IL23R: variants seen among roughly 807,000 people sequenced by gnomAD.
IL23R encodes interleukin 23 receptor, also known as interleukin-23 receptor.
Under a neutral mutation model 56.9 loss-of-function variants are expected in IL23R, and 34 were observed. That is an observed-to-expected ratio of 0.60 (90% CI 0.45 to 0.80). IL23R has a LOEUF of 0.80. IL23R is among the 30% of genes least tolerant of loss of function. The pLI is 0.00. For synonymous variants in IL23R, 230 were observed against 249.2 expected, an observed-to-expected ratio of 0.92 and a Z score of 0.73; for missense variants, 635 against 730.0, an observed-to-expected ratio of 0.87 and a Z score of 1.50.
intron 2 of IL23R, among the ~76,000 whole-genome samples, chr1:67,168,864 A>G (rs768734802): frequency 2.0e-5 from 3 of 152,182 alleles, no homozygotes; most frequent in African/African-American, 4.8e-5. Context: ...GAACATCAAT[A>G]AAAGCATAAC....
chr1:67,193,901 A>G (rs548589729), intron 4 of IL23R, among the ~76,000 whole-genome samples: 174 of 152,320 alleles, frequency 1.1e-3, no homozygotes, highest in African/African-American at 3.8e-3. Context: ...TTAAATGTCA[A>G]TCACAAGCCC....
chr1:67,150,051 A>G (rs772207012), intron 1 of IL23R, among the ~76,000 whole-genome samples: 32 of 152,116 alleles, frequency 2.1e-4, no homozygotes, highest in Non-Finnish European at 3.5e-4. Context: ...TCTGGGCTCA[A>G]TCCTAGAACT....
Position 67,219,636 on chromosome 1 carries a change from C to T in IL23R, c.861C>T (p.Asn287=), listed in dbSNP as rs773754315. 1 of 1,613,920 alleles carries T rather than the reference C, an allele frequency of 6.2e-7. No homozygotes were observed. Among genetic ancestry groups the T allele is most frequent in the Non-Finnish European group, 8.5e-7 (1 of 1,179,906 alleles). The stretch of plus-strand genomic sequence containing the variant: ...AGTCAGAATTCTACTTGGAGCCAAA[C>T]ATTAAGTACGTATTTCAAGTGAGAT... The part of the protein sequence containing the change: ...VQQSEFYLEP[N]IKYVFQVRCQ... The change falls in exon 7 of 11, where the codon AAC becomes AAT. Residue 287 remains asparagine, a synonymous_variant. Transcript: ENST00000347310.
intron 4 of IL23R, among the ~76,000 whole-genome samples, chr1:67,185,395 T>C (rs547403841): frequency 6.6e-6 from 1 of 152,066 alleles, no homozygotes; most frequent in South Asian, 2.1e-4. Context: ...ACCTTCTTTT[T>C]AAAAAAAATC....
At chr1:67,217,266 A>G (rs563985984) in intron 6 of IL23R, among the ~76,000 whole-genome samples, 7 of 152,326 alleles carry the variant, frequency 4.6e-5, no homozygotes, top group Middle Eastern at 3.4e-3. Flanking sequence ...TATACTATTT[A>G]CAGAGGCACT....
intron 6 of IL23R, among the ~76,000 whole-genome samples, chr1:67,208,018 G>A (rs1010492565): frequency 6.6e-6 from 1 of 152,206 alleles, no homozygotes; most frequent in Non-Finnish European, 1.5e-5. Flanking sequence ...GAACTTGTTA[G>A]GAACTGGAGG....
chr1:67,213,141 C>T (rs1435894030), intron 6 of IL23R, among the ~76,000 whole-genome samples: 4 of 152,022 alleles, frequency 2.6e-5, no homozygotes, highest in Non-Finnish European at 4.4e-5. Context: ...ATTACAGGTG[C>T]GAGCCACTGC....
chr1:67,233,316 G>A (rs1039636988), intron 7 of IL23R, among the ~76,000 whole-genome samples: 1 of 151,486 alleles, frequency 6.6e-6, no homozygotes, highest in Admixed American at 6.6e-5. Flanking sequence ...CAGTGAGCCA[G>A]GATCATGCCA....
intron 9 of IL23R, 56 bp downstream of exon 9, chr1:67,240,337 C>T: frequency 9.3e-7 from 1 of 1,075,248 alleles, no homozygotes; most frequent in Non-Finnish European, 1.4e-6. Context: ...TATGTATCAC[C>T]AAAATTTAGT....
At chr1:67,140,585 CTG>C (rs757089741) in intron 1 of IL23R, among the ~76,000 whole-genome samples, 2 of 152,158 alleles carry the variant, frequency 1.3e-5, no homozygotes, top group Non-Finnish European at 2.9e-5. Flanking sequence ...ACTGGTTGAA[CTG>C]TACATTGTTA....
chr1:67,182,351 C>T (rs990857820), intron 3 of IL23R, among the ~76,000 whole-genome samples: 8 of 152,224 alleles, frequency 5.3e-5, no homozygotes, highest in African/African-American at 1.9e-4. Context: ...ACCCCTCTCC[C>T]AGCCTCGCTG....
At chr1:67,171,065 T>G (rs1282947003) in intron 3 of IL23R, among the ~76,000 whole-genome samples, 2 of 152,220 alleles carry the variant, frequency 1.3e-5, no homozygotes, top group Non-Finnish European at 2.9e-5. Context: ...TTATCTGATG[T>G]AAGAAATCTT....
chr1:67,202,722 G>A (rs979257136), intron 5 of IL23R, among the ~76,000 whole-genome samples: 2 of 152,060 alleles, frequency 1.3e-5, no homozygotes, highest in Non-Finnish European at 2.9e-5. Context: ...CAGGCCACAG[G>A]CCACAGTGCC....
At chr1:67,165,956 C>T (rs571354616), upstream of IL23R, among the ~76,000 whole-genome samples, 1 of 152,260 alleles carries the variant, frequency 6.6e-6, no homozygotes, top group Non-Finnish European at 1.5e-5. Context: ...CTTGAATGTT[C>T]TCTCTGCAAA....
intron 7 of IL23R, among the ~76,000 whole-genome samples, chr1:67,220,797 G>C (rs930185048): frequency 6.6e-6 from 1 of 152,184 alleles, no homozygotes; most frequent in Non-Finnish European, 1.5e-5. Flanking sequence ...ATCTAAACAG[G>C]CTTCAATCAT....
intron 3 of IL23R, among the ~76,000 whole-genome samples, chr1:67,178,282 CTT>C (rs1219392488): frequency 6.6e-6 from 1 of 152,138 alleles, no homozygotes; most frequent in Admixed American, 6.5e-5. Flanking sequence ...TTTGTGTCCT[CTT>C]TTATTTCATT....
At chr1:67,170,161 T>G (rs996676408) in intron 3 of IL23R, among the ~76,000 whole-genome samples, 1 of 152,212 alleles carries the variant, frequency 6.6e-6, no homozygotes, top group African/African-American at 2.4e-5. Context: ...GCTAGGTTTG[T>G]GACCTTGGAC....
Position 67,228,151 on chromosome 1 carries a change from TTTCCTTCCTTCCTTCCTTCC to T in IL23R, c.955+8451_955+8470del, listed in dbSNP as rs71062406. 5.0e-3 allele frequency among the ~76,000 whole-genome samples: 288 copies of T among 58,084 alleles called. 10 individuals carry two copies. Among genetic ancestry groups the T allele is most frequent in the African/African-American group, 0.021 (252 of 12,016 alleles). The allele number at this position is 58,084 out of a possible 152,430, so 38.1% of individuals were successfully genotyped here. On this transcript the variant is annotated intron_variant, in intron 7 of 10. Coordinates refer to ENST00000347310, the MANE Select transcript of IL23R (RefSeq NM_144701.3). The stretch of plus-strand genomic sequence containing the variant: ...TTCCTTCTTTCTTTCTGTCTTTCTT[TTTCCTTCCTTCCTTCCTTCC>T]TTCCTTCCTTCCTTCCTTCCTTCCT...
At chr1:67,225,439 A>G (rs970765810) in intron 7 of IL23R, among the ~76,000 whole-genome samples, 1 of 152,158 alleles carries the variant, frequency 6.6e-6, no homozygotes, top group Non-Finnish European at 1.5e-5. Flanking sequence ...GTGCTTTACC[A>G]GCTAATTATG....
Sources: allele counts gnomAD v4.1 joint callset (sites outside exome capture counted in the v4.1 genomes callset), GRCh38; gene constraint gnomAD v4.1.1; transcripts MANE v1.5; gene names NCBI Gene and HGNC (gene_info 2026-07-23, HGNC 2026-07-21).